Variants in COL12A1 observed in about 807,000 individuals in gnomAD.
COL12A1 encodes the protein collagen alpha-1(XII) chain.
Under a neutral mutation model 349.7 loss-of-function variants are expected in COL12A1, and 114 were observed. That is an observed-to-expected ratio of 0.33 (90% confidence interval 0.28 to 0.38). The LOEUF is 0.38. COL12A1 is among the 10% of genes least tolerant of loss of function. The pLI is 1.00. For synonymous variants in COL12A1, 1,369 were observed against 1,329.0 expected, an observed-to-expected ratio of 1.03 and a Z score of -0.66; for missense variants, 3,284 against 3,756.9, an observed-to-expected ratio of 0.87 and a Z score of 3.29.
Position 75,189,715 on chromosome 6 carries a change from A to G in COL12A1, c.495T>C (p.Ala165=). ...CCCCAATGTCAAAAGCAGACACAAG[A>G]GCAGCAATGAAGTCTAAAATGTACT... is the stretch of plus-strand genomic sequence containing the variant. ...NFKYILDFIA[A]LVSAFDIGEE... The change falls in exon 6 of 66, where the codon GCT becomes GCC. Residue 165 remains alanine, a synonymous_variant. Coordinates refer to ENST00000322507, the MANE Select transcript of COL12A1 (RefSeq NM_004370.6). 1 of 1,613,434 alleles carries G rather than the reference A, an allele frequency of 6.2e-7. No homozygotes were observed. Among genetic ancestry groups the G allele is most frequent in the Non-Finnish European group, 8.5e-7 (1 of 1,179,466 alleles).
intron 8 of COL12A1, among the ~76,000 whole-genome samples, chr6:75,187,589 A>G (rs1053306392): frequency 1.3e-5 from 2 of 152,178 alleles, no homozygotes; most frequent in African/African-American, 4.8e-5. Context: ...CCATGAAGTA[A>G]TGAGAGGTTC....
chr6:75,126,608 T>A, intron 38 of COL12A1, 138 bp from the exon 39 acceptor site: 1 of 1,019,800 alleles, frequency 9.8e-7, no homozygotes, highest in Non-Finnish European at 1.4e-6. Context: ...AGAAAACAAT[T>A]AAAAGGCATT....
At chr6:75,178,109 T>C (rs940357535) in intron 11 of COL12A1, among the ~76,000 whole-genome samples, 174 bp from the exon 12 acceptor site, 2 of 152,146 alleles carry the variant, frequency 1.3e-5, no homozygotes, top group Non-Finnish European at 2.9e-5. Context: ...ATTAACTAAA[T>C]TCTGAAACAG....
chr6:75,148,563 G>T (rs1767321106), intron 21 of COL12A1, 66 bp from the exon 22 acceptor site: 6 of 1,384,512 alleles, frequency 4.3e-6, no homozygotes, highest in Non-Finnish European at 6.0e-6. Flanking sequence ...TATTTGAAAT[G>T]ACATTGAAAC....
In COL12A1 at chr6:75,124,246, C is replaced by A. The variant is rs778643498; in HGVS notation, c.6724+9G>T. ...CTCCAGATCATTTTTTTCTTTTTTA[C>A]ACACATACCATCTGCAGGGCTTAGT... is the stretch of plus-strand genomic sequence containing the variant. On this transcript the variant is annotated intron_variant, in intron 41 of 65. Coordinates refer to ENST00000322507, the MANE Select transcript of COL12A1 (RefSeq NM_004370.6). 2.5e-6 allele frequency: 4 copies of A among 1,606,654 alleles called. No individual in the cohort carries two copies. In the African/African-American group the frequency reaches 5.4e-5, roughly 22 times the overall value.
At chr6:75,089,349 C>T (rs1390126854) in intron 63 of COL12A1, among the ~76,000 whole-genome samples, 175 bp from the exon 64 acceptor site, 2 of 151,986 alleles carry the variant, frequency 1.3e-5, no homozygotes, top group African/African-American at 4.8e-5. Context: ...TTGTGTAATT[C>T]TAGATTTATG....
chr6:75,183,294 C>A lies in COL12A1; in HGVS notation c.1647G>T (p.Thr549=), dbSNP rs761187970. ...SNVPKVMILI[T]DGKSSDAFRD... is the part of the protein sequence containing the mutation. The stretch of plus-strand genomic sequence containing the variant: ...TGAAAGCATCTGATGATTTCCCATC[C>A]GTGATAAGAATCATGACCTTTGGCA... Residue 549 remains threonine (T), a synonymous_variant, in exon 10 of 66, where the codon ACG becomes ACT. Coordinates refer to ENST00000322507, the MANE Select transcript of COL12A1 (RefSeq NM_004370.6). 1.2e-6 allele frequency: 2 copies of A among 1,614,182 alleles called. No homozygotes were observed. The highest frequency in any genetic ancestry group is 1.7e-6 in the Non-Finnish European group (2 of 1,180,026).
Position 75,124,056 on chromosome 6 carries a change from T to C in COL12A1, c.6763A>G (p.Thr2255Ala). 3 of 1,613,932 alleles carry C rather than the reference T, an allele frequency of 1.9e-6. No individual in the cohort carries two copies. The highest frequency in any genetic ancestry group is 2.5e-6 in the Non-Finnish European group (3 of 1,179,852). The change falls in exon 42 of 66, where the codon ACC (threonine) becomes GCC (alanine). Residue 2255 changes from threonine (T) to alanine (A), a missense_variant. Around this residue, in one of 2 missense-constraint regions of COL12A1, gnomAD observed 2,601 missense variants for 2,824.8 expected, o/e 0.92. Transcript: ENST00000322507. The stretch of plus-strand genomic sequence containing the variant: ...GAAAGGCCAGTGAAGCAGTGACTGG[T>C]TTCTGATCCACGCACTGTAATTTCT... Reference protein sequence around the residue: ...GQEITVRGSETSHCFTGLSPD... With the variant: ...GQEITVRGSEASHCFTGLSPD...
Position 75,156,368 on chromosome 6 carries a change from C to G in COL12A1, c.3139G>C (p.Val1047Leu). 2 of 1,613,918 alleles carry G rather than the reference C, an allele frequency of 1.2e-6. No individual in the cohort carries two copies. Among genetic ancestry groups the G allele is most frequent in the Non-Finnish European group, 1.7e-6 (2 of 1,179,902 alleles). ...AGTCGCTTTAACACTGTCGAAGTGA[C>G]TGTGGGGGGCACCTTAGCAACCATT... Reference protein sequence around the residue: ...KQMVAKVPPTVTSTVLKRLQP... With the variant: ...KQMVAKVPPTLTSTVLKRLQP... Residue 1047 changes from valine to leucine, a missense_variant, in exon 15 of 66, where the codon GTC (valine) becomes CTC (leucine). Coordinates refer to ENST00000322507, the MANE Select transcript of COL12A1 (RefSeq NM_004370.6).
At chr6:75,198,728 G>A (rs1229919320) in intron 2 of COL12A1, among the ~76,000 whole-genome samples, 1 of 152,120 alleles carries the variant, frequency 6.6e-6, no homozygotes, top group Non-Finnish European at 1.5e-5. Context: ...TGGATAGACA[G>A]GTGGGAAAAT....
intron 60 of COL12A1, among the ~76,000 whole-genome samples, chr6:75,093,156 G>A (rs899965950): frequency 6.6e-5 from 10 of 152,012 alleles, no homozygotes; most frequent in East Asian, 3.9e-4. Flanking sequence ...TCATTATCAC[G>A]GGAACCTATA....
chr6:75,187,645 G>T (rs1161541010), intron 8 of COL12A1, among the ~76,000 whole-genome samples: 1 of 152,100 alleles, frequency 6.6e-6, no homozygotes, highest in African/African-American at 2.4e-5. Flanking sequence ...AATGTTCAGA[G>T]ATTGAAGATT....
At chr6:75,144,588 A>G (rs1158067098) in intron 25 of COL12A1, among the ~76,000 whole-genome samples, 1 of 152,192 alleles carries the variant, frequency 6.6e-6, no homozygotes. Flanking sequence ...GGGTAAGGCA[A>G]GAGGCAGTAA....
At chr6:75,116,081 G>A in intron 47 of COL12A1, 24 bp from the exon 48 acceptor site, 14 of 1,611,484 alleles carry the variant, frequency 8.7e-6, no homozygotes, top group Non-Finnish European at 1.2e-5. Context: ...TGTTCTTTAA[G>A]TATGATTCAC....
intron 3 of COL12A1, among the ~76,000 whole-genome samples, chr6:75,192,798 T>G (rs1413781416): frequency 6.6e-6 from 1 of 152,046 alleles, no homozygotes; most frequent in African/African-American, 2.4e-5. Flanking sequence ...ACCCCATAGG[T>G]TAAGACCAAC....
At chr6:75,112,839 A>G (rs1217936517) in intron 51 of COL12A1, among the ~76,000 whole-genome samples, 1 of 151,610 alleles carries the variant, frequency 6.6e-6, no homozygotes, top group Non-Finnish European at 1.5e-5. Flanking sequence ...AATAAAAAGC[A>G]AGCAGAAGAA....
In COL12A1 at chr6:75,154,515, T is replaced by A. The variant is rs764153192; in HGVS notation, c.3466A>T (p.Asn1156Tyr). Residue 1156 changes from asparagine to tyrosine, a missense_variant, in exon 17 of 66, where the codon AAT (asparagine) becomes TAT (tyrosine). Physicochemically the swap from Asn to Tyr is moderately radical, Grantham distance 143 (BLOSUM62 -2). Coordinates refer to ENST00000322507, the MANE Select transcript of COL12A1 (RefSeq NM_004370.6). ...ELRAGTTYKVNVFGMFDGGES... is the reference protein window; with the variant it reads ...ELRAGTTYKVYVFGMFDGGES... Reference sequence around the variant, plus strand: ...CCTCCATCAAACATTCCAAAAACATTTACTTTATAGGTGGTACCAGCCCTA... The same window carrying A: ...CCTCCATCAAACATTCCAAAAACATATACTTTATAGGTGGTACCAGCCCTA... 1 of 1,610,032 alleles carries A rather than the reference T, an allele frequency of 6.2e-7. No homozygotes were observed.
chr6:75,198,028 C>T (rs1315108708), intron 2 of COL12A1, among the ~76,000 whole-genome samples: 2 of 152,120 alleles, frequency 1.3e-5, no homozygotes, highest in Admixed American at 6.5e-5. Flanking sequence ...ATTATCCCTG[C>T]TTTACAGATA....
In COL12A1 at chr6:75,119,059, C is replaced by T; in HGVS notation, c.7338G>A (p.Leu2446=). 6.2e-7 allele frequency: 1 copy of T among 1,613,904 alleles called. No individual in the cohort carries two copies. ...RSQDEVKKAA[L]VIQQSGFSVF... ...TGTGCTTGCCTGACTGCTGGATGACCAAAGCCGCCTTCTTGACCTCATCCT... is the reference window on the plus strand; with the variant it reads ...TGTGCTTGCCTGACTGCTGGATGACTAAAGCCGCCTTCTTGACCTCATCCT... The change falls in exon 46 of 66, where the codon TTG becomes TTA. Residue 2446 remains leucine, a synonymous_variant. Transcript: ENST00000322507.
Sources: allele counts gnomAD v4.1 joint callset (sites outside exome capture counted in the v4.1 genomes callset), GRCh38; gene constraint gnomAD v4.1.1; regional missense constraint gnomAD v4.1.1; transcripts MANE v1.5; gene names NCBI Gene and HGNC (gene_info 2026-07-23, HGNC 2026-07-21).